PHACTR3: variants seen among roughly 807,000 people sequenced by gnomAD.
The protein encoded by PHACTR3 is phosphatase and actin regulator 3, also known as protein phosphatase 1, regulatory subunit 123.
PHACTR3 carries 16 observed loss-of-function variants against 66.8 expected under a neutral mutation model. That is an observed-to-expected ratio of 0.24 (90% CI 0.16 to 0.36). The LOEUF (loss-of-function observed/expected upper bound fraction) is 0.36, where lower values mean the gene tolerates loss of function less well. Ranked by LOEUF, PHACTR3 falls within the 10% of genes least tolerant of loss-of-function variation. The pLI is 1.00. For missense variants in PHACTR3, 647 were observed against 719.9 expected (o/e 0.90, Z 1.16); for synonymous variants, 323 against 292.1 (o/e 1.11, Z -1.08).
Position 59,829,929 on chromosome 20 carries a change from A to G in PHACTR3, c.1329-6576A>G, listed in dbSNP as rs948973609. ...TGGCTGGGTGGGGCTTCATTGGGGAAGCAAAGCTTGGGGAGCTGGAACTAT... is the reference window on the plus strand; with the variant it reads ...TGGCTGGGTGGGGCTTCATTGGGGAGGCAAAGCTTGGGGAGCTGGAACTAT... On this transcript the variant is annotated intron_variant, in intron 8 of 12. Transcript: ENST00000371015. This position sits in a 1 kb window ranked among gnomAD's most constrained non-coding sequence, Gnocchi z 4.2. Among the ~76,000 whole-genome samples, 5 of 152,176 alleles carry G rather than the reference A, an allele frequency of 3.3e-5. No homozygotes were observed. Among genetic ancestry groups the G allele is most frequent in the Non-Finnish European group, 7.3e-5 (5 of 68,034 alleles).
intron 4 of PHACTR3, among the ~76,000 whole-genome samples, chr20:59,761,773 G>T (rs56101490): frequency 6.6e-6 from 1 of 152,126 alleles, no homozygotes; most frequent in African/African-American, 2.4e-5. Context: ...AACTTGTGGC[G>T]CTGTGGTTGA....
intron 1 of PHACTR3, among the ~76,000 whole-genome samples, chr20:59,622,023 A>G (rs527383138): frequency 6.6e-6 from 1 of 152,164 alleles, no homozygotes; most frequent in African/African-American, 2.4e-5. Flanking sequence ...GTCGAAAGTC[A>G]TTGGGAGAAT....
chr20:59,832,269 A>C (rs978266848), intron 8 of PHACTR3, among the ~76,000 whole-genome samples: 1 of 152,226 alleles, frequency 6.6e-6, no homozygotes, highest in Non-Finnish European at 1.5e-5. Context: ...TGTCCTTGGC[A>C]TCAGGCTCGT....
chr20:59,653,404 C>T (rs1225563799), intron 1 of PHACTR3, among the ~76,000 whole-genome samples: 9 of 152,110 alleles, frequency 5.9e-5, no homozygotes, highest in East Asian at 3.9e-4. Context: ...AGGCTGGTCT[C>T]GAACTCCTGA....
At chr20:59,752,324 T>C (rs1203481358) in intron 3 of PHACTR3, among the ~76,000 whole-genome samples, 1 of 152,218 alleles carries the variant, frequency 6.6e-6, no homozygotes, top group Non-Finnish European at 1.5e-5. Context: ...TCCCTCTCAC[T>C]GTGGCTGCTC....
chr20:59,827,346 G>C (rs1247552529), intron 8 of PHACTR3, among the ~76,000 whole-genome samples: 1 of 152,160 alleles, frequency 6.6e-6, no homozygotes, highest in Non-Finnish European at 1.5e-5. Flanking sequence ...CTGGTGCAGA[G>C]GGTGAAGGAC....
chr20:59,759,717 G>A (rs2039931318), intron 4 of PHACTR3, among the ~76,000 whole-genome samples: 1 of 152,186 alleles, frequency 6.6e-6, no homozygotes, highest in Admixed American at 6.5e-5. Flanking sequence ...GATGCTGTCT[G>A]TTCTCTTCCC....
chr20:59,622,815 G>GC (rs897914893), intron 1 of PHACTR3, among the ~76,000 whole-genome samples: 5 of 151,578 alleles, frequency 3.3e-5, no homozygotes, highest in African/African-American at 1.2e-4. Flanking sequence ...ATGATTCCTG[G>GC]CACCCACCAG....
Position 59,775,083 on chromosome 20 carries a change from TCC to T in PHACTR3, c.1174+595_1174+596del, listed in dbSNP as rs1491041042. On this transcript the variant is annotated intron_variant, in intron 7 of 12. Coordinates refer to ENST00000371015, the MANE Select transcript of PHACTR3 (RefSeq NM_080672.5). ...CCGTATTTGTCCTCATGGTGCGTTC[TCC>T]CATGAGGTAATTGCTCCATCCTACC... is the stretch of plus-strand genomic sequence containing the variant. Among the ~76,000 whole-genome samples the T allele has an allele frequency of 8.6e-5, 6 of 70,158 alleles. No homozygotes were observed. The South Asian group carries it at 2.0e-3, about 23-fold the overall frequency. 46.0% of individuals were successfully genotyped at this position (70,158 alleles called of 152,430 possible).
At chr20:59,732,168 A>G (rs1389902193) in intron 1 of PHACTR3, among the ~76,000 whole-genome samples, 2 of 152,148 alleles carry the variant, frequency 1.3e-5, no homozygotes, top group African/African-American at 2.4e-5. Flanking sequence ...TTTTCTAACT[A>G]CTTTAATCCT....
intron 7 of PHACTR3, among the ~76,000 whole-genome samples, chr20:59,776,777 A>AGCAGCGTGGTTGAGC (rs2040554198): frequency 9.8e-5 from 4 of 40,844 alleles, no homozygotes; most frequent in Non-Finnish European, 3.5e-4. Flanking sequence ...CGTGGTTGAG[A>AGCAGCGTGGTTGAGC]CACAGAGTTT....
At chr20:59,805,021 A>G (rs1236255748) in intron 7 of PHACTR3, among the ~76,000 whole-genome samples, 2 of 152,296 alleles carry the variant, frequency 1.3e-5, no homozygotes, top group East Asian at 3.9e-4. Flanking sequence ...TGCAACCTAC[A>G]TCGCATGTAG....
Position 59,743,032 on chromosome 20 carries a change from G to C in PHACTR3, c.119-75G>C. ...CACTGGTGACCCCTTAGGGTGAGAG[G>C]TCATCACCTTGGGCCCCCAGGAGTC... On this transcript the variant is annotated intron_variant, in intron 1 of 12. Coordinates refer to ENST00000371015, the MANE Select transcript of PHACTR3 (RefSeq NM_080672.5). 8 of 1,520,146 alleles carry C rather than the reference G, an allele frequency of 5.3e-6. No individual in the cohort carries two copies. The South Asian group carries it at 9.9e-5, about 19-fold the overall frequency. 94.2% of individuals were successfully genotyped at this position (1,520,146 alleles called of 1,614,324 possible).
Position 59,794,675 on chromosome 20 carries a change from C to G in PHACTR3, c.1175-11366C>G, listed in dbSNP as rs1245969623. Among the ~76,000 whole-genome samples the G allele has an allele frequency of 2.6e-5, 4 of 152,044 alleles. No homozygotes were observed. The South Asian group carries it at 6.2e-4, about 24-fold the overall frequency. ...GTGAAGCAGTCAAGTCCTGGACTTT[C>G]CTTTGATGGGAGATTTTTTAGTACT... is the stretch of plus-strand genomic sequence containing the variant. On this transcript the variant is annotated intron_variant, in intron 7 of 12. Transcript: ENST00000371015.
chr20:59,726,041 G>A (rs1008457578), intron 1 of PHACTR3, among the ~76,000 whole-genome samples: 4 of 152,218 alleles, frequency 2.6e-5, no homozygotes, highest in South Asian at 2.1e-4. Flanking sequence ...GCTCCAGCAC[G>A]AGGGAGACGT....
intron 1 of PHACTR3, among the ~76,000 whole-genome samples, chr20:59,669,954 T>C (rs2036134733): frequency 6.6e-6 from 1 of 152,234 alleles, no homozygotes; most frequent in African/African-American, 2.4e-5. Flanking sequence ...GATGTAACTG[T>C]CTGCTTATCA....
At chr20:59,825,342 G>A (rs968596513) in intron 8 of PHACTR3, among the ~76,000 whole-genome samples, 2 of 152,172 alleles carry the variant, frequency 1.3e-5, no homozygotes, top group African/African-American at 4.8e-5. Context: ...TAAACCTGGC[G>A]TTGCCTTGAT....
intron 1 of PHACTR3, among the ~76,000 whole-genome samples, chr20:59,656,787 AT>A (rs1260504207): frequency 6.6e-6 from 1 of 151,034 alleles, no homozygotes; most frequent in South Asian, 2.1e-4. Context: ...TTCTTTAATC[AT>A]TTTTTAAAAA....
chr20:59,819,438 G>T (rs2041970161), intron 8 of PHACTR3, among the ~76,000 whole-genome samples: 1 of 152,212 alleles, frequency 6.6e-6, no homozygotes, highest in African/African-American at 2.4e-5. Flanking sequence ...AGGCTCAGGA[G>T]GGAGAGAGGA....
Sources: gnomAD v4.1 joint callset for allele counts (sites outside exome capture counted in the v4.1 genomes callset) on GRCh38, gnomAD v4.1.1 for gene constraint, Gnocchi (gnomAD v3.1) non-coding constraint, MANE v1.5 for transcripts, NCBI Gene and HGNC (gene_info 2026-07-23, HGNC 2026-07-21) for gene names.